The following SYNPR variants were observed in gnomAD, a reference collection of about 807,000 sequenced individuals.
The protein encoded by SYNPR is synaptoporin.
A neutral mutation model predicts 32.9 loss-of-function variants in SYNPR; 23 were observed. That is an observed-to-expected ratio of 0.70 (90% CI 0.50 to 0.99). The LOEUF (loss-of-function observed/expected upper bound fraction) is 0.99. Ranked by LOEUF, SYNPR falls within the 50% of genes least tolerant of loss-of-function variation. The probability of loss-of-function intolerance (pLI) is 0.00; values close to 1 mark genes in which losing one functional copy is unlikely to be tolerated. For synonymous variants in SYNPR, 146 were observed against 135.9 expected, an observed-to-expected ratio of 1.07 and a Z score of -0.52; for missense variants, 318 against 349.3, an observed-to-expected ratio of 0.91 and a Z score of 0.71.
intron 2 of SYNPR, among the ~76,000 whole-genome samples, chr3:63,288,701 A>T (rs1465686216): frequency 6.6e-6 from 1 of 152,222 alleles, no homozygotes; most frequent in Non-Finnish European, 1.5e-5. Flanking sequence ...TGGTAAATTC[A>T]GCTCTGGCCC....
At chr3:63,483,664 G>A (rs920397363) in intron 3 of SYNPR, among the ~76,000 whole-genome samples, 2 of 152,206 alleles carry the variant, frequency 1.3e-5, no homozygotes, top group East Asian at 3.9e-4. Flanking sequence ...GAGATGAAAT[G>A]ATAAGACACA....
intron 2 of SYNPR, among the ~76,000 whole-genome samples, chr3:63,342,365 A>G (rs556479031): frequency 6.6e-6 from 1 of 152,134 alleles, no homozygotes. Context: ...CTCTGGACCA[A>G]TTGATATGCT....
chr3:63,380,196 T>C (rs2087948078), intron 2 of SYNPR, among the ~76,000 whole-genome samples: 2 of 152,224 alleles, frequency 1.3e-5, no homozygotes, highest in South Asian at 2.1e-4. Context: ...CGTTTGGGTA[T>C]ATACTCAGTA....
In SYNPR at chr3:63,465,318, A is replaced by C. The variant is rs76166212; in HGVS notation, c.85-15514A>C. ...AAATTTTGTTAAAGAAAAGAGAATA[A>C]ATTTTCTTCTACATCCTACAATAGT... On this transcript the variant is annotated intron_variant, in intron 2 of 5. Transcript: ENST00000478300. 8.4e-3 allele frequency among the ~76,000 whole-genome samples: 1,278 copies of C among 152,140 alleles called. 57 individuals carry two copies. In the East Asian group the frequency reaches 0.13, roughly 16 times the overall value.
chr3:63,548,784 C>G (rs535982925), intron 3 of SYNPR, among the ~76,000 whole-genome samples: 1 of 152,284 alleles, frequency 6.6e-6, no homozygotes, highest in East Asian at 1.9e-4. Context: ...CCTGCTCCCC[C>G]ACACCTTAAT....
rs375278040 is a variant in SYNPR, at chr3:63,556,639, C to T, written c.306C>T (p.Phe102=). 14 of 1,613,758 alleles carry T rather than the reference C, an allele frequency of 8.7e-6. No individual in the cohort carries two copies. The highest frequency in any genetic ancestry group is 2.2e-5 in the East Asian group (1 of 44,866). ...ACTCCTCGTCTTCAGCAGAGTTCTT[C>T]GTCACTGTTGCTGTCTTCGCCTTCC... ...IGDSSSSAEF[F]VTVAVFAFLY... is the part of the protein sequence containing the mutation. The change falls in exon 4 of 6, where the codon TTC becomes TTT. Residue 102 remains phenylalanine, a synonymous_variant. Transcript: ENST00000478300.
chr3:63,593,234 T>G (rs1308281252), intron 4 of SYNPR, among the ~76,000 whole-genome samples: 1 of 152,170 alleles, frequency 6.6e-6, no homozygotes, highest in Non-Finnish European at 1.5e-5. Context: ...AGCTCTTAAT[T>G]TGCTAATGTT....
Position 63,431,787 on chromosome 3 carries a change from A to T in SYNPR, c.85-49045A>T, listed in dbSNP as rs575959121. Among the ~76,000 whole-genome samples, 4 of 152,034 alleles carry T rather than the reference A, an allele frequency of 2.6e-5. No individual in the cohort carries two copies. The East Asian group carries it at 7.7e-4, about 29-fold the overall frequency. ...TGAGAAGTACAGCCAGAACCAACAT[A>T]ATCTTTCCTTGGAGTCCTCATTAAA... On this transcript the variant is annotated intron_variant, in intron 2 of 5. Coordinates refer to ENST00000478300, the MANE Select transcript of SYNPR (RefSeq NM_001130003.2).
chr3:63,432,155 C>A (rs1700008089), intron 2 of SYNPR, among the ~76,000 whole-genome samples: 1 of 152,320 alleles, frequency 6.6e-6, no homozygotes, highest in Non-Finnish European at 1.5e-5. Flanking sequence ...AGTGAGGTAG[C>A]CCCAGTTGCC....
At chr3:63,388,451 A>G (rs1426196850) in intron 2 of SYNPR, among the ~76,000 whole-genome samples, 2 of 139,294 alleles carry the variant, frequency 1.4e-5, no homozygotes, top group African/African-American at 5.4e-5. Context: ...GCCATGGTGC[A>G]ATCTCGGCTC....
chr3:63,529,522 T>A (rs759417383), intron 3 of SYNPR, among the ~76,000 whole-genome samples: 13 of 152,110 alleles, frequency 8.5e-5, no homozygotes, highest in Non-Finnish European at 1.2e-4. Flanking sequence ...TTCCCCGTGC[T>A]CCATACCACA....
At chr3:63,220,349 G>C in the SYNPR span, among the ~76,000 whole-genome samples, 1 of 152,178 alleles carries the variant, frequency 6.6e-6, no homozygotes, top group African/African-American at 2.4e-5. Context: ...AAAGGACTAA[G>C]GATAATTCAG....
At chr3:63,315,014 T>G (rs978128201) in intron 2 of SYNPR, among the ~76,000 whole-genome samples, 2 of 152,096 alleles carry the variant, frequency 1.3e-5, no homozygotes, top group Non-Finnish European at 1.5e-5. Context: ...CTTTTTGTTT[T>G]TGTTTGCTTT....
chr3:63,483,036 C>T (rs56724155), intron 3 of SYNPR, among the ~76,000 whole-genome samples: 2,864 of 152,220 alleles, frequency 0.019, 94 homozygotes, highest in African/African-American at 0.065. Context: ...ATTGATAAAG[C>T]CTTTTTGGAG....
intron 3 of SYNPR, among the ~76,000 whole-genome samples, chr3:63,490,793 C>T (rs561131198): frequency 1.3e-5 from 2 of 152,212 alleles, no homozygotes; most frequent in South Asian, 4.1e-4. Flanking sequence ...GATGGAGTCT[C>T]ACTCTGTTAC....
intron 1 of SYNPR, among the ~76,000 whole-genome samples, chr3:63,239,805 T>C (rs1340840383): frequency 2.0e-5 from 3 of 150,436 alleles, no homozygotes; most frequent in Non-Finnish European, 1.5e-5. Flanking sequence ...CATCCTAACA[T>C]TGTCAAATGT....
intron 3 of SYNPR, among the ~76,000 whole-genome samples, chr3:63,507,950 T>C (rs936853053): frequency 2.6e-5 from 4 of 151,756 alleles, no homozygotes; most frequent in African/African-American, 9.7e-5. Context: ...GAAATGAAAA[T>C]GGCAAAATTA....
chr3:63,576,282 G>A (rs567611644), intron 4 of SYNPR, among the ~76,000 whole-genome samples: 2 of 152,140 alleles, frequency 1.3e-5, no homozygotes, highest in African/African-American at 4.8e-5. Context: ...TATTCCAATT[G>A]GCTTCCTCTG....
intron 1 of SYNPR, among the ~76,000 whole-genome samples, chr3:63,245,680 T>TGAGAGTGAGA (rs2086278265): frequency 8.1e-6 from 1 of 123,284 alleles, no homozygotes; most frequent in Non-Finnish European, 1.7e-5. Flanking sequence ...CTTTGTCAAG[T>TGAGAGTGAGA]GAGAGAGAGA....
Sources: gnomAD v4.1 joint callset for allele counts (sites outside exome capture counted in the v4.1 genomes callset) on GRCh38, gnomAD v4.1.1 for gene constraint, MANE v1.5 for transcripts, NCBI Gene and HGNC (gene_info 2026-07-23, HGNC 2026-07-21) for gene names.